The following ENTREP2 variants were observed in gnomAD, a reference collection of about 807,000 sequenced individuals.
ENTREP2 encodes the protein protein ENTREP2.
the ENTREP2 span, among the ~76,000 whole-genome samples, chr15:29,179,514 G>A: frequency 8.2e-4 from 125 of 152,242 alleles, no homozygotes; most frequent in Non-Finnish European, 1.5e-3. Context: ...CTGAGGATGA[G>A]CTTAGTTTGA....
chr15:29,353,185 T>C, the ENTREP2 span, among the ~76,000 whole-genome samples: 4 of 152,300 alleles, frequency 2.6e-5, no homozygotes, highest in African/African-American at 9.6e-5. Flanking sequence ...ATTCTCCCCA[T>C]TGCACAGAAT....
the ENTREP2 span, among the ~76,000 whole-genome samples, chr15:29,222,146 T>G: frequency 6.6e-5 from 10 of 152,290 alleles, no homozygotes; most frequent in African/African-American, 1.9e-4. Context: ...ATAAAGACCT[T>G]GCTGATAAAA....
chr15:29,552,657 A>T, the ENTREP2 span, among the ~76,000 whole-genome samples: 1 of 152,188 alleles, frequency 6.6e-6, no homozygotes. Flanking sequence ...GACTTAAAAC[A>T]TCTATGATAA....
At chr15:29,148,560 T>C in the ENTREP2 span, among the ~76,000 whole-genome samples, 2 of 152,230 alleles carry the variant, frequency 1.3e-5, no homozygotes, top group Admixed American at 1.3e-4. Context: ...ATGGAAATAG[T>C]TGTTATACTG....
At chr15:29,335,591 C>T in the ENTREP2 span, among the ~76,000 whole-genome samples, 1 of 152,156 alleles carries the variant, frequency 6.6e-6, no homozygotes, top group Non-Finnish European at 1.5e-5. Context: ...TCAAGAGGTA[C>T]CAGATATGCC....
the ENTREP2 span, among the ~76,000 whole-genome samples, chr15:29,349,487 C>G: frequency 1.3e-5 from 2 of 152,130 alleles, no homozygotes; most frequent in African/African-American, 4.8e-5. Flanking sequence ...GGAATGTAAA[C>G]TAACAATATA....
At chr15:29,123,748 G>T in the ENTREP2 span, 3 of 1,324,936 alleles carry the variant, frequency 2.3e-6, no homozygotes, top group Non-Finnish European at 2.0e-6. Context: ...GGAGCCTCCT[G>T]CTGGGGTTTC....
the ENTREP2 span, among the ~76,000 whole-genome samples, chr15:29,273,073 G>T: frequency 1.3e-3 from 200 of 152,230 alleles, no homozygotes; most frequent in African/African-American, 4.4e-3. Flanking sequence ...AGCGGGTGAG[G>T]GTTTCCAAGG....
At chr15:29,628,950 G>A in the ENTREP2 span, among the ~76,000 whole-genome samples, 10 of 152,096 alleles carry the variant, frequency 6.6e-5, no homozygotes, top group East Asian at 7.8e-4. Context: ...GCATTTCACC[G>A]TGTTGGCCAG....
the ENTREP2 span, among the ~76,000 whole-genome samples, chr15:29,526,638 A>T: frequency 0.013 from 1,853 of 146,414 alleles, 40 homozygotes; most frequent in African/African-American, 0.042. Context: ...CTATAAAAAA[A>T]TTTTTTTTTT....
chr15:29,437,721 C>T, the ENTREP2 span, among the ~76,000 whole-genome samples: 1 of 152,274 alleles, frequency 6.6e-6, no homozygotes, highest in East Asian at 1.9e-4. Flanking sequence ...TGCAAATCCC[C>T]TTGGTAATCC....
the ENTREP2 span, among the ~76,000 whole-genome samples, chr15:29,586,321 A>T: frequency 6.6e-6 from 1 of 152,184 alleles, no homozygotes; most frequent in African/African-American, 2.4e-5. Flanking sequence ...GAGGAATGGG[A>T]ATCTCTACTA....
At chr15:29,221,035 G>A in the ENTREP2 span, among the ~76,000 whole-genome samples, 1 of 152,084 alleles carries the variant, frequency 6.6e-6, no homozygotes, top group Non-Finnish European at 1.5e-5. Context: ...TAAATCTGAG[G>A]ACTGTGGGAA....
chr15:29,252,124 T>C, the ENTREP2 span, among the ~76,000 whole-genome samples: 1 of 152,224 alleles, frequency 6.6e-6, no homozygotes, highest in African/African-American at 2.4e-5. Context: ...AAAAATATAC[T>C]ACTAGTAGCT....
the ENTREP2 span, among the ~76,000 whole-genome samples, chr15:29,514,735 G>A: frequency 5.4e-4 from 83 of 152,320 alleles, no homozygotes; most frequent in Non-Finnish European, 1.0e-3. Context: ...ACAAACTGCA[G>A]AGGACTCAAT....
At chr15:29,588,812 C>A in the ENTREP2 span, among the ~76,000 whole-genome samples, 1 of 151,684 alleles carries the variant, frequency 6.6e-6, no homozygotes, top group Non-Finnish European at 1.5e-5. Flanking sequence ...CATAATGAAA[C>A]CCTGTCTCTA....
chr15:29,527,889 T>C, the ENTREP2 span, among the ~76,000 whole-genome samples: 1 of 152,132 alleles, frequency 6.6e-6, no homozygotes, highest in South Asian at 2.1e-4. Flanking sequence ...TCTCACGGGC[T>C]TGCTGGTTTC....
At chr15:29,606,553 G>T in the ENTREP2 span, among the ~76,000 whole-genome samples, 2 of 151,866 alleles carry the variant, frequency 1.3e-5, no homozygotes, top group South Asian at 4.2e-4. Flanking sequence ...GTTTTTCTGG[G>T]TATAACATTT....
chr15:29,544,614 G>T, the ENTREP2 span, among the ~76,000 whole-genome samples: 1 of 152,096 alleles, frequency 6.6e-6, no homozygotes, highest in African/African-American at 2.4e-5. Flanking sequence ...CTGCTCCAAA[G>T]GTGGCTGAGG....
Sources: allele counts gnomAD v4.1 joint callset (sites outside exome capture counted in the v4.1 genomes callset), GRCh38; gene constraint gnomAD v4.1.1; transcripts MANE v1.5; gene names NCBI Gene and HGNC (gene_info 2026-07-23, HGNC 2026-07-21).